The following TRNT1 variants were observed in gnomAD, a reference collection of about 807,000 sequenced individuals.
The protein encoded by TRNT1 is tRNA nucleotidyl transferase 1.
A neutral mutation model predicts 45.6 loss-of-function variants in TRNT1; 44 were observed. That is an observed-to-expected ratio of 0.97 (90% confidence interval 0.76 to 1.24). TRNT1 has a LOEUF of 1.24. TRNT1 is among the 50% of genes most tolerant of loss of function. The pLI is 0.00. For synonymous variants in TRNT1, 201 were observed against 171.4 expected (o/e 1.17, Z -1.35); for missense variants, 633 against 504.4 (o/e 1.25, Z -2.44).
At chr3:3,135,225 C>T (rs1705252525) in intron 2 of TRNT1, among the ~76,000 whole-genome samples, 1 of 152,066 alleles carries the variant, frequency 6.6e-6, no homozygotes. Flanking sequence ...TGAAGTGACT[C>T]ACACAAGCAA....
At position 3,147,662 on chromosome 3, in the gene TRNT1, A is replaced by T. The variant is rs774168346; in HGVS notation, c.1015A>T (p.Ser339Cys). ...GAAAGATTTAATTAAAGCAACAGAT[A>T]GTTCAGACCCATTGAAACCCTATCA... ...NRKDLIKATD[S>C]SDPLKPYQDF... is the part of the protein sequence containing the mutation. The change falls in exon 7 of 8, where the codon AGT (serine) becomes TGT (cysteine). Residue 339 changes from serine to cysteine, a missense_variant. Coordinates refer to ENST00000251607, the MANE Select transcript of TRNT1 (RefSeq NM_182916.3). The T allele has an allele frequency of 6.2e-7, 1 of 1,613,600 alleles. No homozygotes were observed. Among genetic ancestry groups the T allele is most frequent in the South Asian group, 1.1e-5 (1 of 91,058 alleles).
At chr3:3,151,991 C>T (rs1256190743), downstream of TRNT1, among the ~76,000 whole-genome samples, 1 of 152,088 alleles carries the variant, frequency 6.6e-6, no homozygotes, top group Non-Finnish European at 1.5e-5. Flanking sequence ...TTCAGAATTA[C>T]ATGACTGACA....
Position 3,140,647 on chromosome 3 carries a change from A to G in TRNT1, c.480A>G (p.Leu160=). 6.2e-7 allele frequency: 1 copy of G among 1,613,744 alleles called. No individual in the cohort carries two copies. The highest frequency in any genetic ancestry group is 8.5e-7 in the Non-Finnish European group (1 of 1,179,860). Reference sequence around the variant, plus strand: ...ATCTCACTATAAATTCTATGTTTTTAGGTAATATTTGCAGATAAAACCATA... The same window carrying G: ...ATCTCACTATAAATTCTATGTTTTTGGGTAATATTTGCAGATAAAACCATA... The part of the protein sequence containing the change: ...RRDLTINSMF[L]GFDGTLFDYF... Residue 160 remains leucine (L), a splice_region_variant and synonymous_variant, in exon 4 of 8, where the codon TTA becomes TTG. Transcript: ENST00000251607.
intron 5 of TRNT1, 30 bp from the exon 6 acceptor site, chr3:3,146,400 G>GT: frequency 6.4e-7 from 1 of 1,573,796 alleles, no homozygotes; most frequent in Non-Finnish European, 8.7e-7. Flanking sequence ...CAATATAGAG[G>GT]TAATACCCTG....
chr3:3,132,739 A>AC (rs1553552203), intron 2 of TRNT1, among the ~76,000 whole-genome samples: 2 of 133,712 alleles, frequency 1.5e-5, no homozygotes, highest in South Asian at 2.9e-4. Flanking sequence ...AGGAAAAAAA[A>AC]AAAAACACAA....
At chr3:3,149,969 A>G (rs1706382989), downstream of TRNT1, 1 of 152,156 alleles carries the variant, frequency 6.6e-6, no homozygotes, top group Non-Finnish European at 1.5e-5. Flanking sequence ...AGAACTTTAA[A>G]ATTATGAGTA....
At position 3,140,573 on chromosome 3, in the gene TRNT1, G is replaced by A. The variant is rs1705583303; in HGVS notation, c.406G>A (p.Ala136Thr). Residue 136 changes from alanine (A) to threonine (T), a missense_variant, in exon 4 of 8, where the codon GCT becomes ACT. Transcript: ENST00000251607. ...RIDVTTDGRH[A>T]EVEFTTDWQK... ...TGATGTCACCACTGATGGAAGACAT[G>A]CTGAGGTAGAATTTACAACTGACTG... The A allele has an allele frequency of 6.2e-7, 1 of 1,614,154 alleles. No homozygotes were observed.
downstream of TRNT1, chr3:3,152,839 C>T (rs1559241605): frequency 1.9e-6 from 1 of 521,778 alleles, no homozygotes; most frequent in Non-Finnish European, 3.4e-6. Flanking sequence ...GTTTTTAAAA[C>T]CCTCCTCAAG....
chr3:3,141,942 A>T (rs1053195173), intron 4 of TRNT1, among the ~76,000 whole-genome samples: 1 of 152,230 alleles, frequency 6.6e-6, no homozygotes. Context: ...TTCATAAAGT[A>T]TGTTAAGCCC....
intron 4 of TRNT1, among the ~76,000 whole-genome samples, chr3:3,143,420 A>T (rs1028955279): frequency 6.6e-5 from 10 of 152,174 alleles, no homozygotes; most frequent in Non-Finnish European, 5.9e-5. Flanking sequence ...ATTTTTGTGA[A>T]TGGCTAATAG....
chr3:3,134,453 C>CT (rs1410773447), intron 2 of TRNT1, among the ~76,000 whole-genome samples: 1 of 152,090 alleles, frequency 6.6e-6, no homozygotes, highest in Non-Finnish European at 1.5e-5. Flanking sequence ...GAATATATTA[C>CT]TTTGAGTTCT....
chr3:3,144,629 TA>T lies in TRNT1; in HGVS notation c.533del (p.Asn178IlefsTer22). 1 of 1,587,546 alleles carries T rather than the reference TA, an allele frequency of 6.3e-7. No individual in the cohort carries two copies. Among genetic ancestry groups the T allele is most frequent in the Non-Finnish European group, 8.6e-7 (1 of 1,160,594 alleles). On this transcript the variant is annotated frameshift_variant, in exon 5 of 8. Transcript: ENST00000251607. LOFTEE classifies it high-confidence loss of function. The part of the protein sequence containing the change: ...LFDYFNGYED[L>X]KNKKVRFVGH... ...GACTACTTTAATGGTTATGAAGATTTAAAAAATAAGAAAGTTAGATTTGTTG... is the reference window on the plus strand; with the variant it reads ...GACTACTTTAATGGTTATGAAGATTTAAAAATAAGAAAGTTAGATTTGTTG...
At chr3:3,137,562 C>G (rs913340609) in intron 3 of TRNT1, 109 bp downstream of exon 3, 2 of 909,206 alleles carry the variant, frequency 2.2e-6, no homozygotes, top group South Asian at 1.9e-5. Flanking sequence ...AAAAGTCAGT[C>G]TCTTCTATGC....
At chr3:3,141,287 CAGGGAAGAGA>C (rs1319633572) in intron 4 of TRNT1, among the ~76,000 whole-genome samples, 1 of 152,144 alleles carries the variant, frequency 6.6e-6, no homozygotes, top group East Asian at 1.9e-4. Flanking sequence ...AACATGATTT[CAGGGAAGAGA>C]AGTGCACACA....
Position 3,129,015 on chromosome 3 carries a change from T to C in TRNT1, c.-26T>C. ...TATGCCTGTGTATTTGCCTTGTAGA[T>C]GTGTAGTTGGTGACTGCCTCTCCAG... On this transcript the variant is annotated splice_region_variant and 5_prime_UTR_variant, in exon 2 of 8. An upstream start codon of the reference 5' UTR is lost. Coordinates refer to ENST00000251607, the MANE Select transcript of TRNT1 (RefSeq NM_182916.3). 1 of 1,576,044 alleles carries C rather than the reference T, an allele frequency of 6.3e-7. No homozygotes were observed. The highest frequency in any genetic ancestry group is 1.3e-5 in the African/African-American group (1 of 74,384).
chr3:3,140,450 A>G (rs1338510883), intron 3 of TRNT1, 60 bp from the exon 4 acceptor site: 6 of 1,563,156 alleles, frequency 3.8e-6, no homozygotes, highest in South Asian at 1.2e-5. Flanking sequence ...ATTTTTTTCA[A>G]TTCAGTAGTA....
At chr3:3,136,793 T>G in intron 2 of TRNT1, 1 of 361,730 alleles carries the variant, frequency 2.8e-6, no homozygotes, top group South Asian at 2.1e-5. Flanking sequence ...TAGCTGGGAC[T>G]ACAGGTGTGC....
Position 3,146,614 on chromosome 3 carries a change from C to T in TRNT1, c.793C>T (p.Pro265Ser), listed in dbSNP as rs1405577121. 6.2e-7 allele frequency: 1 copy of T among 1,608,978 alleles called. No individual in the cohort carries two copies. Among genetic ancestry groups the T allele is most frequent in the Non-Finnish European group, 8.5e-7 (1 of 1,177,768 alleles). ...CCTTATCTATGATCTTGATGTGGCT[C>T]CTTATATAGGTGAGAGCAAGTTATA... ...IHLIYDLDVA[P>S]YIGLPANASL... is the part of the protein sequence containing the mutation. Residue 265 changes from proline to serine, a missense_variant, in exon 6 of 8, where the codon CCT becomes TCT. Transcript: ENST00000251607.
intron 1 of TRNT1, 23 bp from the exon 2 acceptor site, chr3:3,128,991 A>G: frequency 1.3e-6 from 2 of 1,513,446 alleles, no homozygotes; most frequent in South Asian, 1.3e-5. Flanking sequence ...TTTCATTGGT[A>G]TGCCTGTGTA....
Sources: gnomAD v4.1 joint callset for allele counts (sites outside exome capture counted in the v4.1 genomes callset) on GRCh38, gnomAD v4.1.1 for gene constraint, MANE v1.5 for transcripts, NCBI Gene and HGNC (gene_info 2026-07-23, HGNC 2026-07-21) for gene names.